Variants in SAMD5 observed in about 807,000 individuals in gnomAD.
SAMD5 encodes the protein sterile alpha motif domain-containing protein 5.
Under a neutral mutation model 11.3 loss-of-function variants are expected in SAMD5, and 13 were observed. The ratio of observed to expected loss-of-function variants is 1.15; its 90% CI spans 0.75 to 1.83. The LOEUF (loss-of-function observed/expected upper bound fraction) is 1.83. Among genes scored for constraint, SAMD5 ranks in the 40% most tolerant of loss-of-function variants. SAMD5 has a pLI of 0.00. For synonymous variants in SAMD5, 129 were observed against 111.3 expected, an observed-to-expected ratio of 1.16 and a Z score of -1.00; for missense variants, 255 against 239.1, an observed-to-expected ratio of 1.07 and a Z score of -0.44.
At chr6:147,581,579 T>A (rs2128446278) in intron 1 of SAMD5, among the ~76,000 whole-genome samples, 1 of 151,916 alleles carries the variant, frequency 6.6e-6, no homozygotes, top group African/African-American at 2.4e-5. Context: ...TCACCGAGGA[T>A]GAAAGGGGAG....
chr6:147,851,997 G>A, the SAMD5 span, among the ~76,000 whole-genome samples: 4 of 152,012 alleles, frequency 2.6e-5, no homozygotes, highest in East Asian at 7.7e-4. Context: ...CAGGACAAAA[G>A]CCAGCAATTG....
the SAMD5 span, among the ~76,000 whole-genome samples, chr6:147,764,925 A>G: frequency 6.6e-6 from 1 of 152,164 alleles, no homozygotes; most frequent in Non-Finnish European, 1.5e-5. Context: ...GTTTGATACC[A>G]TCTCACTGCT....
intron 1 of SAMD5, among the ~76,000 whole-genome samples, chr6:147,699,149 C>T (rs974669977): frequency 3.9e-5 from 6 of 152,120 alleles, no homozygotes; most frequent in Non-Finnish European, 7.4e-5. Flanking sequence ...TCTTGTTTAG[C>T]GGACCTTCCC....
the SAMD5 span, among the ~76,000 whole-genome samples, chr6:147,855,056 G>A: frequency 6.6e-6 from 1 of 152,106 alleles, no homozygotes; most frequent in South Asian, 2.1e-4. Context: ...GGAGAATAAG[G>A]ATACATTTTA....
intron 1 of SAMD5, among the ~76,000 whole-genome samples, chr6:147,682,189 T>G (rs1405307632): frequency 1.3e-5 from 2 of 152,234 alleles, no homozygotes; most frequent in Non-Finnish European, 2.9e-5. Flanking sequence ...AAATTCTTCC[T>G]ATACAGTAAG....
intron 1 of SAMD5, among the ~76,000 whole-genome samples, chr6:147,719,504 C>T (rs1791517049): frequency 6.6e-6 from 1 of 152,092 alleles, no homozygotes; most frequent in Admixed American, 6.5e-5. Context: ...GTTTGCTGAG[C>T]CCATTTCTTA....
At chr6:147,685,750 G>A (rs183252309) in intron 1 of SAMD5, among the ~76,000 whole-genome samples, 9 of 151,592 alleles carry the variant, frequency 5.9e-5, no homozygotes, top group East Asian at 1.9e-4. Context: ...TTGATTTTCC[G>A]TTTTTGTAGA....
At chr6:147,588,467 A>T (rs1452585119) in intron 1 of SAMD5, among the ~76,000 whole-genome samples, 1 of 151,710 alleles carries the variant, frequency 6.6e-6, no homozygotes, top group East Asian at 2.0e-4. Flanking sequence ...GGGACTACAG[A>T]CGCACACCAC....
At chr6:147,840,009 C>T in the SAMD5 span, among the ~76,000 whole-genome samples, 1 of 152,154 alleles carries the variant, frequency 6.6e-6, no homozygotes, top group Admixed American at 6.5e-5. Flanking sequence ...TGATCCAAAA[C>T]CCATGTTTTT....
At chr6:147,655,303 T>G (rs1440443124) in intron 1 of SAMD5, among the ~76,000 whole-genome samples, 2 of 152,240 alleles carry the variant, frequency 1.3e-5, no homozygotes, top group African/African-American at 4.8e-5. Context: ...GATTTTGTAC[T>G]ATCTTGCTAT....
At chr6:147,815,328 G>A in the SAMD5 span, among the ~76,000 whole-genome samples, 1 of 152,292 alleles carries the variant, frequency 6.6e-6, no homozygotes, top group South Asian at 2.1e-4. Context: ...GCGATGTGCT[G>A]GACAATGGGA....
intron 1 of SAMD5, among the ~76,000 whole-genome samples, chr6:147,558,603 C>G (rs559817844): frequency 6.6e-6 from 1 of 152,162 alleles, no homozygotes; most frequent in African/African-American, 2.4e-5. Flanking sequence ...ATCTCCCCCC[C>G]GTCCTCCTAG....
chr6:147,936,012 A>G, the SAMD5 span, among the ~76,000 whole-genome samples: 1 of 152,198 alleles, frequency 6.6e-6, no homozygotes, highest in Non-Finnish European at 1.5e-5. Flanking sequence ...AAACTTGCTA[A>G]CCAGCAGTCC....
chr6:147,820,766 C>T, the SAMD5 span, among the ~76,000 whole-genome samples: 322 of 152,124 alleles, frequency 2.1e-3, no homozygotes, highest in African/African-American at 7.3e-3. Context: ...ATCACTTTGC[C>T]GGGTGGAAAG....
chr6:147,612,201 A>C (rs1235420752), intron 1 of SAMD5, among the ~76,000 whole-genome samples: 3 of 152,124 alleles, frequency 2.0e-5, no homozygotes, highest in African/African-American at 4.8e-5. Context: ...TGGGGAGGTC[A>C]CGTGGTTTCC....
the SAMD5 span, among the ~76,000 whole-genome samples, chr6:147,952,674 G>A: frequency 6.6e-6 from 1 of 151,904 alleles, no homozygotes; most frequent in Non-Finnish European, 1.5e-5. Context: ...CCACACCCGC[G>A]AATTTTTTTT....
intron 1 of SAMD5, among the ~76,000 whole-genome samples, chr6:147,547,918 A>T (rs769403458): frequency 2.6e-5 from 4 of 152,214 alleles, no homozygotes; most frequent in Non-Finnish European, 5.9e-5. Context: ...TTAGATACTG[A>T]TAGGGGAAGA....
At chr6:147,620,231 T>C (rs1789939128) in intron 1 of SAMD5, among the ~76,000 whole-genome samples, 1 of 152,178 alleles carries the variant, frequency 6.6e-6, no homozygotes, top group South Asian at 2.1e-4. Flanking sequence ...CTCTGAGCAC[T>C]GGCCTGCACA....
chr6:147,909,622 TTCTTTCTTTC>T, the SAMD5 span, among the ~76,000 whole-genome samples: 3,417 of 69,752 alleles, frequency 0.049, 447 homozygotes, highest in African/African-American at 0.12. Flanking sequence ...CTTTCTTTCT[TTCTTTCTTTC>T]TCTTTCTTGT....
Sources: allele counts gnomAD v4.1 joint callset (sites outside exome capture counted in the v4.1 genomes callset), GRCh38; gene constraint gnomAD v4.1.1; transcripts MANE v1.5; gene names NCBI Gene and HGNC (gene_info 2026-07-23, HGNC 2026-07-21).